The following MAL2 variants were observed in gnomAD, a reference collection of about 807,000 sequenced individuals.
MAL2 encodes mal, T cell differentiation protein 2.
In MAL2, 17 loss-of-function variants were observed where a neutral mutation model predicts 18.1. The ratio of observed to expected loss-of-function variants is 0.94; its 90% CI spans 0.64 to 1.41. MAL2 has a LOEUF of 1.41. MAL2 is among the 40% of genes most tolerant of loss of function. The pLI, the probability that MAL2 is intolerant of heterozygous loss-of-function variation, is 0.00. For synonymous variants in MAL2, 102 were observed against 102.3 expected (o/e 1.00, Z 0.02); for missense variants, 222 against 231.9 (o/e 0.96, Z 0.28).
At position 119,208,555 on chromosome 8, in the gene MAL2, GC is replaced by G; in HGVS notation, c.87del (p.Asp30ThrfsTer44). ...CCGCCCCGGGTCACCCTGCCCGCCGGCCCCGACATCCTGCGGACCTACTCGG... is the reference window on the plus strand; with the variant it reads ...CCGCCCCGGGTCACCCTGCCCGCCGGCCCGACATCCTGCGGACCTACTCGG... ...FPPPRVTLPA[G>X]PDILRTYSGA... is the part of the protein sequence containing the mutation. On this transcript the variant is annotated frameshift_variant, in exon 1 of 4. Coordinates refer to ENST00000614891, the MANE Select transcript of MAL2 (RefSeq NM_052886.3). LOFTEE classifies it high-confidence loss of function. This position sits in a 1 kb window ranked among gnomAD's most constrained non-coding sequence, Gnocchi z 4.3. 1 of 1,399,814 alleles carries G rather than the reference GC, an allele frequency of 7.1e-7. No individual in the cohort carries two copies. 86.7% of individuals were successfully genotyped at this position (1,399,814 alleles called of 1,614,324 possible). A position where few individuals can be genotyped will look rare whatever the true frequency, so the allele number is the denominator to read the frequency against.
chr8:119,224,884 A>G (rs951072253), intron 2 of MAL2, among the ~76,000 whole-genome samples: 15 of 152,106 alleles, frequency 9.9e-5, no homozygotes, highest in African/African-American at 3.6e-4. Context: ...TTTGTCAGCT[A>G]TATTTTCTGG....
intron 2 of MAL2, 107 bp from the exon 3 acceptor site, chr8:119,240,058 G>A (rs1378767148): frequency 1.7e-6 from 2 of 1,187,656 alleles, no homozygotes; most frequent in East Asian, 2.5e-5. Flanking sequence ...AGTTAAGATT[G>A]TTTAATTAAA....
intron 1 of MAL2, among the ~76,000 whole-genome samples, chr8:119,219,814 A>G (rs974486352): frequency 6.6e-6 from 1 of 152,138 alleles, no homozygotes; most frequent in African/African-American, 2.4e-5. Flanking sequence ...TGATGTAACA[A>G]AGCCCAGTAG....
intron 2 of MAL2, among the ~76,000 whole-genome samples, chr8:119,237,627 G>A (rs1817936756): frequency 6.6e-6 from 1 of 151,726 alleles, no homozygotes; most frequent in Non-Finnish European, 1.5e-5. Context: ...TGCAAGGCTG[G>A]TTAAATACAT....
rs769226681 is a variant in MAL2 at position 119,243,485 on chromosome 8, G to A, written c.528G>A (p.Pro176=). The A allele has an allele frequency of 1.6e-5, 25 of 1,593,604 alleles. No individual in the cohort carries two copies. In the Admixed American group the frequency reaches 2.4e-4, roughly 16 times the overall value. ...SLGLALRRWR[P] Reference sequence around the variant, plus strand: ...GTCTGGCTTTACGAAGATGGCGACCGTAACACTCCTTAGAAACTGGCAGTC... The same window carrying A: ...GTCTGGCTTTACGAAGATGGCGACCATAACACTCCTTAGAAACTGGCAGTC... Residue 176 remains proline (P), a synonymous_variant, in exon 4 of 4, where the codon CCG becomes CCA. Coordinates refer to ENST00000614891, the MANE Select transcript of MAL2 (RefSeq NM_052886.3).
intron 2 of MAL2, among the ~76,000 whole-genome samples, chr8:119,227,393 A>G (rs1428602013): frequency 1.3e-5 from 2 of 152,162 alleles, no homozygotes; most frequent in African/African-American, 4.8e-5. Context: ...CAGGAAGAAA[A>G]CCCAGAATGA....
At chr8:119,234,594 G>A (rs1817831884) in intron 2 of MAL2, among the ~76,000 whole-genome samples, 1 of 152,052 alleles carries the variant, frequency 6.6e-6, no homozygotes, top group South Asian at 2.1e-4. Flanking sequence ...GGTTCTCCCA[G>A]CATGCAGCTG....
At chr8:119,241,355 T>C (rs150368021) in intron 3 of MAL2, among the ~76,000 whole-genome samples, 2,088 of 152,134 alleles carry the variant, frequency 0.014, 48 homozygotes, top group African/African-American at 0.048. Flanking sequence ...TAGCAAAACC[T>C]TGTCTCTGAA....
intron 2 of MAL2, among the ~76,000 whole-genome samples, chr8:119,234,737 C>T (rs1003030485): frequency 6.6e-6 from 1 of 151,660 alleles, no homozygotes; most frequent in African/African-American, 2.4e-5. Context: ...AACAGACCTG[C>T]AGCTGAGGGT....
chr8:119,212,370 C>T (rs1222993256), intron 1 of MAL2, among the ~76,000 whole-genome samples: 1 of 152,178 alleles, frequency 6.6e-6, no homozygotes, highest in Non-Finnish European at 1.5e-5. Flanking sequence ...GTGGGAGATA[C>T]TCTAGGATTC....
At chr8:119,213,045 A>T (rs978038409) in intron 1 of MAL2, among the ~76,000 whole-genome samples, 5 of 152,182 alleles carry the variant, frequency 3.3e-5, no homozygotes, top group African/African-American at 1.2e-4. Context: ...AATAGTTTAG[A>T]TAAGGGATGA....
chr8:119,243,472 G>T lies in MAL2; in HGVS notation c.515G>T (p.Arg172Leu). ...GGTTGCAGTTTGGGTCTGGCTTTAC[G>T]AAGATGGCGACCGTAACACTCCTTA... ...CYGCSLGLALRRWRP is the reference protein window; with the variant it reads ...CYGCSLGLALLRWRP The change falls in exon 4 of 4, where the codon CGA becomes CTA. Residue 172 changes from arginine to leucine, a missense_variant. Physicochemically the swap from Arg to Leu is moderately radical, Grantham distance 102. Coordinates refer to ENST00000614891, the MANE Select transcript of MAL2 (RefSeq NM_052886.3). 1 of 1,599,928 alleles carries T rather than the reference G, an allele frequency of 6.3e-7. No individual in the cohort carries two copies. Among genetic ancestry groups the T allele is most frequent in the Non-Finnish European group, 8.5e-7 (1 of 1,172,346 alleles).
intron 2 of MAL2, among the ~76,000 whole-genome samples, chr8:119,228,286 A>G (rs1431758822): frequency 6.6e-5 from 10 of 152,086 alleles, no homozygotes. Context: ...CCATTGCTGT[A>G]TCCTCTGTCC....
intron 2 of MAL2, among the ~76,000 whole-genome samples, chr8:119,230,408 AGGAG>A (rs1361873491): frequency 2.7e-5 from 4 of 146,664 alleles, no homozygotes; most frequent in South Asian, 2.3e-4. Context: ...ACTTCTGAAA[AGGAG>A]GGAGGAAGAA....
intron 1 of MAL2, among the ~76,000 whole-genome samples, chr8:119,220,775 C>G (rs1817449971): frequency 6.6e-6 from 1 of 152,184 alleles, no homozygotes; most frequent in African/African-American, 2.4e-5. Context: ...GAAGTATTTT[C>G]AAATCTGGAT....
At chr8:119,227,086 G>C (rs935039266) in intron 2 of MAL2, among the ~76,000 whole-genome samples, 3 of 152,180 alleles carry the variant, frequency 2.0e-5, no homozygotes, top group Non-Finnish European at 2.9e-5. Flanking sequence ...GAATACAATT[G>C]TGAAAAAAGA....
Position 119,245,384 on chromosome 8 carries a change from G to A in MAL2, c.*1896G>A, listed in dbSNP as rs1818132063. The A allele has an allele frequency of 6.6e-6, 1 of 152,476 alleles. No individual in the cohort carries two copies. 9.4% of individuals were successfully genotyped at this position (152,476 alleles called of 1,614,324 possible). On this transcript the variant is annotated 3_prime_UTR_variant, in exon 4 of 4. Coordinates refer to ENST00000614891, the MANE Select transcript of MAL2 (RefSeq NM_052886.3). ...GGCTTATGTTTGGTGGCATTAAATT[G>A]GTTTCTTTAAAATGCTTTGGTGGCA... is the stretch of plus-strand genomic sequence containing the variant.
At chr8:119,226,503 C>A (rs1485816683) in intron 2 of MAL2, among the ~76,000 whole-genome samples, 3 of 95,104 alleles carry the variant, frequency 3.2e-5, no homozygotes, top group Non-Finnish European at 5.9e-5. Context: ...CACTTGCGGG[C>A]GGGGGGTGGG....
At chr8:119,233,120 CCAATGAGAA>C (rs1209315891) in intron 2 of MAL2, among the ~76,000 whole-genome samples, 1 of 152,080 alleles carries the variant, frequency 6.6e-6, no homozygotes, top group Non-Finnish European at 1.5e-5. Context: ...TTCTTTGAAA[CCAATGAGAA>C]CAAAGACACA....
Sources: gnomAD v4.1 joint callset for allele counts (sites outside exome capture counted in the v4.1 genomes callset) on GRCh38, gnomAD v4.1.1 for gene constraint, Gnocchi (gnomAD v3.1) non-coding constraint, MANE v1.5 for transcripts, NCBI Gene and HGNC (gene_info 2026-07-23, HGNC 2026-07-21) for gene names.